Variants in KCNMA1 observed in about 807,000 individuals in gnomAD.
The protein encoded by KCNMA1 is Calcium-activated potassium channel subunit alpha-1.
In KCNMA1, 29 loss-of-function variants were observed where a neutral mutation model predicts 140.0. The observed-to-expected ratio is 0.21, with a 90% confidence interval of 0.15 to 0.28. The LOEUF (loss-of-function observed/expected upper bound fraction) is 0.28, where lower values mean the gene tolerates loss of function less well. KCNMA1 is among the 10% of genes least tolerant of loss of function. KCNMA1 has a pLI of 1.00. For missense variants in KCNMA1, 880 were observed against 1,602.2 expected (o/e 0.55, Z 7.70); for synonymous variants, 612 against 611.9 (o/e 1.00, Z 0.00).
chr10:77,530,333 G>A (rs2057296421), intron 1 of KCNMA1, among the ~76,000 whole-genome samples: 1 of 152,188 alleles, frequency 6.6e-6, no homozygotes, highest in Admixed American at 6.5e-5. Flanking sequence ...CTACTTGTGT[G>A]GCTTTGAGTA....
intron 1 of KCNMA1, among the ~76,000 whole-genome samples, chr10:77,443,224 CT>C (rs1355584044): frequency 1.3e-5 from 2 of 152,196 alleles, no homozygotes; most frequent in South Asian, 4.1e-4. Context: ...CAATGGAAAG[CT>C]TTTCTCAGTG....
At chr10:77,114,717 A>C (rs1014691581) in intron 6 of KCNMA1, among the ~76,000 whole-genome samples, 1 of 152,192 alleles carries the variant, frequency 6.6e-6, no homozygotes, top group Non-Finnish European at 1.5e-5. Context: ...TCTCAACTCC[A>C]GCCATTCATT....
At chr10:77,541,543 C>T (rs1338324979) in intron 1 of KCNMA1, among the ~76,000 whole-genome samples, 1 of 152,116 alleles carries the variant, frequency 6.6e-6, no homozygotes, top group Non-Finnish European at 1.5e-5. Flanking sequence ...ATTTCTATTA[C>T]TCCAAAGCCC....
At chr10:77,564,478 G>C (rs2067451247) in intron 1 of KCNMA1, among the ~76,000 whole-genome samples, 1 of 152,234 alleles carries the variant, frequency 6.6e-6, no homozygotes, top group Admixed American at 6.5e-5. Flanking sequence ...AACTACTCTG[G>C]AGGCTGAGAC....
At chr10:77,188,281 G>GA (rs76979989) in intron 3 of KCNMA1, among the ~76,000 whole-genome samples, 440 of 144,502 alleles carry the variant, frequency 3.0e-3, no homozygotes, top group Admixed American at 0.01. Context: ...TTGCCAACAG[G>GA]AAAAAAAAAA....
chr10:77,498,421 G>A (rs2154544290), intron 1 of KCNMA1, among the ~76,000 whole-genome samples: 1 of 152,358 alleles, frequency 6.6e-6, no homozygotes, highest in African/African-American at 2.4e-5. Context: ...CAGGAAGGAG[G>A]ACAAGTCCAA....
chr10:77,303,213 C>T (rs2076938290), intron 2 of KCNMA1, among the ~76,000 whole-genome samples: 1 of 152,166 alleles, frequency 6.6e-6, no homozygotes, highest in Admixed American at 6.5e-5. Context: ...TCCACCAGTA[C>T]TGTCTCACAG....
intron 1 of KCNMA1, among the ~76,000 whole-genome samples, chr10:77,575,448 A>G (rs2073722245): frequency 1.3e-5 from 2 of 151,986 alleles, no homozygotes. Context: ...CGGGCATCCA[A>G]TCCTGCCTCC....
chr10:77,564,901 A>C (rs796619198), intron 1 of KCNMA1, among the ~76,000 whole-genome samples: 6 of 152,320 alleles, frequency 3.9e-5, no homozygotes, highest in African/African-American at 1.2e-4. Context: ...CAGAGGAGTC[A>C]GTGACATCAT....
At chr10:77,607,790 T>C (rs1349994954) in intron 1 of KCNMA1, among the ~76,000 whole-genome samples, 2 of 152,216 alleles carry the variant, frequency 1.3e-5, no homozygotes, top group East Asian at 3.9e-4. Flanking sequence ...ACTTCTCGCC[T>C]TCAGAACTGT....
chr10:77,362,382 C>CACACACACAG, intron 2 of KCNMA1, among the ~76,000 whole-genome samples: 1 of 142,592 alleles, frequency 7.0e-6, no homozygotes. Context: ...CACACACACA[C>CACACACACAG]GATGCTGGGA....
chr10:77,369,756 G>A (rs2154410743), intron 2 of KCNMA1, among the ~76,000 whole-genome samples: 1 of 152,296 alleles, frequency 6.6e-6, no homozygotes, highest in Non-Finnish European at 1.5e-5. Context: ...TACTGAGGCA[G>A]GAGGAGACAG....
At chr10:77,301,764 C>T (rs1163695211) in intron 2 of KCNMA1, among the ~76,000 whole-genome samples, 2 of 151,026 alleles carry the variant, frequency 1.3e-5, no homozygotes, top group Non-Finnish European at 2.9e-5. Flanking sequence ...TGATTGGGCA[C>T]TAAATGTTTA....
chr10:76,877,772 A>G, exon 30 of KCNMA1: 1 of 1,563,720 alleles, frequency 6.4e-7, no homozygotes, highest in Non-Finnish European at 8.7e-7. Context: ...TGATTGGTGG[A>G]ATCAAGCTGC....
chr10:77,160,224 A>G (rs900924603), intron 5 of KCNMA1, among the ~76,000 whole-genome samples: 2 of 152,072 alleles, frequency 1.3e-5, no homozygotes, highest in African/African-American at 2.4e-5. Context: ...CTGCCTCCCT[A>G]TATGATCACT....
intron 20 of KCNMA1, among the ~76,000 whole-genome samples, chr10:76,965,595 T>A (rs2073589781): frequency 6.6e-6 from 1 of 152,154 alleles, no homozygotes; most frequent in South Asian, 2.1e-4. Flanking sequence ...CTCCACTCCA[T>A]CTAGGCCACT....
At chr10:77,224,377 T>A (rs2050644725) in intron 3 of KCNMA1, among the ~76,000 whole-genome samples, 1 of 152,232 alleles carries the variant, frequency 6.6e-6, no homozygotes, top group South Asian at 2.1e-4. Context: ...ATTTCACATC[T>A]TCTCCTCTTT....
rs2047362199 is a variant in KCNMA1 at position 76,905,305 on chromosome 10, G to A, written c.3147+4661C>T. On this transcript the variant is annotated intron_variant, in intron 25 of 27. Coordinates refer to ENST00000286628, the MANE Select transcript of KCNMA1 (RefSeq NM_001161352.2). ...GGGTGTTGGACAAAAAAATAATCAAGGGTTGCGCTTCAGGAATCAACTCAG... is the reference window on the plus strand; with the variant it reads ...GGGTGTTGGACAAAAAAATAATCAAAGGTTGCGCTTCAGGAATCAACTCAG... Among the ~76,000 whole-genome samples, 3 of 152,238 alleles carry A rather than the reference G, an allele frequency of 2.0e-5. No homozygotes were observed. The South Asian group carries it at 6.2e-4, about 32-fold the overall frequency.
intron 1 of KCNMA1, among the ~76,000 whole-genome samples, chr10:77,463,243 C>T (rs1047934197): frequency 2.6e-5 from 4 of 152,154 alleles, no homozygotes; most frequent in East Asian, 1.9e-4. Flanking sequence ...GAAGATACCA[C>T]CCACCATCAT....
Sources: gnomAD v4.1 joint callset for allele counts (sites outside exome capture counted in the v4.1 genomes callset) on GRCh38, gnomAD v4.1.1 for gene constraint, MANE v1.5 for transcripts, NCBI Gene and HGNC (gene_info 2026-07-23, HGNC 2026-07-21) for gene names.